Variants in KRT26 observed in about 807,000 individuals in gnomAD.
KRT26 encodes keratin, type I cytoskeletal 26.
A neutral mutation model predicts 46.1 loss-of-function variants in KRT26; 45 were observed. The ratio of observed to expected loss-of-function variants is 0.98; its 90% confidence interval spans 0.77 to 1.25. The LOEUF (loss-of-function observed/expected upper bound fraction) is 1.25. KRT26 is among the 50% of genes most tolerant of loss of function. The pLI is 0.00. For synonymous variants in KRT26, 191 were observed against 209.9 expected, an observed-to-expected ratio of 0.91 and a Z score of 0.78; for missense variants, 582 against 560.1, an observed-to-expected ratio of 1.04 and a Z score of -0.39.
At chr17:40,770,186 G>A (rs1205859392) in intron 3 of KRT26, 64 bp from the exon 4 acceptor site, 13 of 1,612,136 alleles carry the variant, frequency 8.1e-6, no homozygotes, top group South Asian at 6.6e-5. Context: ...GCCCTGCTAC[G>A]AAATGAACAG....
intron 6 of KRT26, 151 bp from the exon 7 acceptor site, chr17:40,767,804 G>T: frequency 2.0e-6 from 1 of 489,050 alleles, no homozygotes; most frequent in Non-Finnish European, 3.6e-6. Context: ...AGCTTTTCAT[G>T]ACTTCAACAT....
At position 40,770,136 on chromosome 17, in the gene KRT26, C is replaced by T. The variant is rs373352262; in HGVS notation, c.682-14G>A. ...GACTTCCATTTCCTAGAAAAGGGAT[C>T]GGTATTCATCCTCAGTGGAGGATTT... On this transcript the variant is annotated splice_polypyrimidine_tract_variant and intron_variant, in intron 3 of 7. Coordinates refer to ENST00000335552, the Ensembl canonical transcript of KRT26. 1.8e-5 allele frequency: 29 copies of T among 1,613,900 alleles called. No homozygotes were observed. The highest frequency in any genetic ancestry group is 1.3e-4 in the East Asian group (6 of 44,904).
chr17:40,768,352 C>T (rs909764849), intron 6 of KRT26, among the ~76,000 whole-genome samples: 4 of 152,192 alleles, frequency 2.6e-5, no homozygotes, highest in African/African-American at 9.7e-5. Context: ...ATTTCATCAA[C>T]GAGGAAACTG....
At chr17:40,766,428 C>T in exon 8 of KRT26, 3 of 1,083,304 alleles carry the variant, frequency 2.8e-6, no homozygotes, top group Non-Finnish European at 4.0e-6. Context: ...GTTATTTGAC[C>T]AGTAGGATTT....
intron 2 of KRT26, 105 bp from the exon 3 acceptor site, chr17:40,770,514 C>T (rs1444165037): frequency 1.2e-6 from 1 of 858,848 alleles, no homozygotes; most frequent in Non-Finnish European, 1.8e-6. Flanking sequence ...CTGTACATAC[C>T]TCTGAAGCTT....
chr17:40,770,136 C>A lies in KRT26; in HGVS notation c.682-14G>T. The A allele has an allele frequency of 6.2e-7, 1 of 1,614,018 alleles. No homozygotes were observed. Among genetic ancestry groups the A allele is most frequent in the Non-Finnish European group, 8.5e-7 (1 of 1,179,898 alleles). ...GACTTCCATTTCCTAGAAAAGGGAT[C>A]GGTATTCATCCTCAGTGGAGGATTT... On this transcript the variant is annotated splice_polypyrimidine_tract_variant and intron_variant, in intron 3 of 7. Coordinates refer to ENST00000335552, the Ensembl canonical transcript of KRT26.
upstream of KRT26, chr17:40,772,177 C>T (rs2038228603): frequency 7.6e-6 from 10 of 1,316,272 alleles, no homozygotes; most frequent in South Asian, 6.3e-5. Flanking sequence ...TCACCTTCCA[C>T]ACTTGTTAGC....
intron 1 of KRT26, 135 bp downstream of exon 1, chr17:40,771,538 G>C: frequency 1.3e-6 from 1 of 740,982 alleles, no homozygotes; most frequent in Non-Finnish European, 2.2e-6. Flanking sequence ...GCCAGGTACT[G>C]TGCTTAGCAC....
At chr17:40,766,251 A>G (rs1258740563) in exon 8 of KRT26, 1 of 284,696 alleles carries the variant, frequency 3.5e-6, no homozygotes, top group Non-Finnish European at 6.4e-6. Flanking sequence ...CAATAGAAGA[A>G]TTTTTAATGA....
At chr17:40,771,456 A>G (rs2038220551) in intron 1 of KRT26, among the ~76,000 whole-genome samples, 1 of 152,242 alleles carries the variant, frequency 6.6e-6, no homozygotes, top group South Asian at 2.1e-4. Flanking sequence ...AGCTAAATAT[A>G]TGAAAAACGA....
At chr17:40,768,933 A>G (rs2038193677) in exon 6 of KRT26, 1 of 1,609,828 alleles carries the variant, frequency 6.2e-7, no homozygotes, top group Non-Finnish European at 8.5e-7. Context: ...TTCTAAAAAT[A>G]TTTTTACATC....
chr17:40,772,071 G>A lies in KRT26; in HGVS notation c.43C>T (p.Arg15Ter), dbSNP rs201849759. ...CCGGACAGCCTACCAGACCCAGTTC[G>A]CGAGCAGATCCTCCTGGATCCACCA... is the stretch of plus-strand genomic sequence containing the variant. Residue 15 changes from arginine to a stop codon, truncating the protein, a stop_gained, in exon 1 of 8, where the codon CGA becomes TGA. Coordinates refer to ENST00000335552, the Ensembl canonical transcript of KRT26. LOFTEE classifies it high-confidence loss of function. The A allele has an allele frequency of 2.9e-4, 473 of 1,613,954 alleles. No homozygotes were observed. Among genetic ancestry groups the A allele is most frequent in the Admixed American group, 5.0e-4 (30 of 59,996 alleles).
chr17:40,771,684 G>C lies in KRT26; in HGVS notation c.430C>G (p.Leu144Val), dbSNP rs544629086. ...TCCCTATTTCTTACCTGCCTTTTAAGATCTTCTATGACTGAGAAGTATCTG... is the reference window on the plus strand; with the variant it reads ...TCCCTATTTCTTACCTGCCTTTTAACATCTTCTATGACTGAGAAGTATCTG... The change falls in exon 1 of 8, where the codon CTT becomes GTT. Residue 144 changes from leucine (L) to valine (V), a missense_variant. Physicochemically the swap from Leu to Val is conservative, Grantham distance 32 (BLOSUM62 1). Transcript: ENST00000335552. 1.9e-6 allele frequency: 3 copies of C among 1,607,242 alleles called. No individual in the cohort carries two copies. In the East Asian group the frequency reaches 6.7e-5, roughly 36 times the overall value.
chr17:40,766,749 TG>T lies in KRT26; in HGVS notation c.1256-84del. ...ATAATAGGTATGCTTTTTGTTTGTT[TG>T]TTTTTTTGAGAAGGAGTCTCGCTCT... On this transcript the variant is annotated intron_variant, in intron 7 of 7. Transcript: ENST00000335552. The T allele has an allele frequency of 4.8e-6, 5 of 1,038,134 alleles. No homozygotes were observed. In the South Asian group the frequency reaches 7.5e-5, roughly 16 times the overall value. 64.3% of individuals were successfully genotyped at this position (1,038,134 alleles called of 1,614,324 possible).
exon 8 of KRT26, chr17:40,766,416 A>C: frequency 1.1e-6 from 1 of 936,814 alleles, no homozygotes; most frequent in Non-Finnish European, 1.6e-6. Context: ...TAATTTCCTT[A>C]GGTTATTTGA....
In KRT26 at chr17:40,772,008, CA is replaced by C. The variant is rs774834442; in HGVS notation, c.105del (p.Gly36AspfsTer50). 15 of 1,614,020 alleles carry C rather than the reference CA, an allele frequency of 9.3e-6. No homozygotes were observed. The highest frequency in any genetic ancestry group is 3.4e-6 in the Non-Finnish European group (4 of 1,180,026). ...GAAAAGCTGCTTCTTGCTCCCGATCCAACACACACATTCCCAGCCACGAAGC... is the reference window on the plus strand; with the variant it reads ...GAAAAGCTGCTTCTTGCTCCCGATCCACACACACATTCCCAGCCACGAAGC... On this transcript the variant is annotated frameshift_variant, in exon 1 of 8. Transcript: ENST00000335552. LOFTEE classifies it high-confidence loss of function.
chr17:40,770,502 T>G, intron 2 of KRT26, 93 bp from the exon 3 acceptor site: 2 of 999,654 alleles, frequency 2.0e-6, no homozygotes, highest in Non-Finnish European at 3.0e-6. Context: ...AGATATGATG[T>G]TCTGTACATA....
chr17:40,770,275 T>C lies in KRT26; in HGVS notation c.659A>G (p.Tyr220Cys), dbSNP rs532826082. The change falls in exon 3 of 8, where the codon TAC becomes TGC. Residue 220 changes from tyrosine (Y) to cysteine (C), a missense_variant. Coordinates refer to ENST00000335552, the Ensembl canonical transcript of KRT26. ...TACCTCCTCATGACTTTTTTTGAGG[T>C]AGGTCAATTCCTCACTGAGGGTCTC... 2.2e-5 allele frequency: 36 copies of C among 1,614,138 alleles called. No homozygotes were observed. The South Asian group carries it at 3.4e-4, about 15-fold the overall frequency.
chr17:40,768,760 G>T, intron 6 of KRT26, 119 bp downstream of exon 6: 1 of 584,164 alleles, frequency 1.7e-6, no homozygotes, highest in Non-Finnish European at 3.0e-6. Flanking sequence ...ACATTCCTGA[G>T]GATAAATATG....
Sources: gnomAD v4.1 joint callset for allele counts (sites outside exome capture counted in the v4.1 genomes callset) on GRCh38, gnomAD v4.1.1 for gene constraint, MANE v1.5 for transcripts, NCBI Gene and HGNC (gene_info 2026-07-23, HGNC 2026-07-21) for gene names.